IGFBPL1: variants seen among roughly 807,000 people sequenced by gnomAD.
The protein encoded by IGFBPL1 is insulin like growth factor binding protein like 1.
In IGFBPL1, 20 loss-of-function variants were observed where a neutral mutation model predicts 23.9. The observed-to-expected ratio is 0.84, with a 90% confidence interval of 0.59 to 1.22. The LOEUF (loss-of-function observed/expected upper bound fraction) is 1.22, where lower values mean the gene tolerates loss of function less well. IGFBPL1 is among the 50% of genes most tolerant of loss of function. IGFBPL1 has a pLI of 0.00. For synonymous variants in IGFBPL1, 184 were observed against 171.8 expected (o/e 1.07, Z -0.56); for missense variants, 436 against 379.3 (o/e 1.15, Z -1.24).
At position 38,407,678 on chromosome 9, in the gene IGFBPL1, A is replaced by G. The variant is rs1412762148; in HGVS notation, c.*1549T>C. On this transcript the variant is annotated 3_prime_UTR_variant, in exon 5 of 5. Transcript: ENST00000377694. The stretch of plus-strand genomic sequence containing the variant: ...GCACCGTGGAGTAGAGAGGGGACCA[A>G]GGAGGGCCAGGTGCCCTGAGCTCTG... Among the ~76,000 whole-genome samples the G allele has an allele frequency of 6.6e-6, 1 of 152,202 alleles. No homozygotes were observed. The highest frequency in any genetic ancestry group is 2.4e-5 in the African/African-American group (1 of 41,452).
intron 1 of IGFBPL1, among the ~76,000 whole-genome samples, chr9:38,420,985 A>G (rs1821670461): frequency 6.6e-6 from 1 of 152,128 alleles, no homozygotes; most frequent in Admixed American, 6.5e-5. Flanking sequence ...GGACACTTGT[A>G]AAAATCATGT....
Position 38,410,777 on chromosome 9 carries a change from T to C in IGFBPL1, c.*9+614A>G, listed in dbSNP as rs75084539. Among the ~76,000 whole-genome samples, 746 of 152,330 alleles carry C rather than the reference T, an allele frequency of 4.9e-3. 6 individuals are homozygous for C. The highest frequency in any genetic ancestry group is 0.017 in the African/African-American group (705 of 41,578). The stretch of plus-strand genomic sequence containing the variant: ...CTTATAAAGTGATCCCTTTCCCGAA[T>C]TCCCAGTTCACCTGTAGGCAAGGAA... On this transcript the variant is annotated intron_variant, in intron 4 of 4. Coordinates refer to ENST00000377694, the MANE Select transcript of IGFBPL1 (RefSeq NM_001007563.3).
intron 3 of IGFBPL1, 70 bp downstream of exon 3, chr9:38,413,167 T>C: frequency 2.0e-6 from 2 of 1,015,530 alleles, no homozygotes; most frequent in South Asian, 1.4e-5. Flanking sequence ...AAACATGTAA[T>C]GTGTTGTAGA....
At chr9:38,410,431 C>A (rs923803698) in intron 4 of IGFBPL1, among the ~76,000 whole-genome samples, 2 of 149,272 alleles carry the variant, frequency 1.3e-5, no homozygotes, top group African/African-American at 5.0e-5. Flanking sequence ...TGCAGTGAGC[C>A]GAGATCGCAC....
At chr9:38,410,795 G>A (rs971386952) in intron 4 of IGFBPL1, among the ~76,000 whole-genome samples, 5 of 152,212 alleles carry the variant, frequency 3.3e-5, no homozygotes, top group African/African-American at 1.2e-4. Flanking sequence ...TCACCTGTAG[G>A]CAAGGAACAG....
At chr9:38,422,554 G>A (rs866123843) in intron 1 of IGFBPL1, among the ~76,000 whole-genome samples, 1 of 152,206 alleles carries the variant, frequency 6.6e-6, no homozygotes, top group Non-Finnish European at 1.5e-5. Context: ...CAACTGTTCC[G>A]AGTGAAAGGG....
intron 1 of IGFBPL1, among the ~76,000 whole-genome samples, chr9:38,420,306 T>C (rs986446944): frequency 6.6e-6 from 1 of 152,196 alleles, no homozygotes; most frequent in Non-Finnish European, 1.5e-5. Flanking sequence ...CTCCCACCTC[T>C]GAGCCTCAGT....
In IGFBPL1 at chr9:38,417,195, T is replaced by C. The variant is rs541237870; in HGVS notation, c.461-2992A>G. Among the ~76,000 whole-genome samples, 3 of 152,320 alleles carry C rather than the reference T, an allele frequency of 2.0e-5. No homozygotes were observed. The East Asian group carries it at 5.8e-4, about 29-fold the overall frequency. The stretch of plus-strand genomic sequence containing the variant: ...CAGCTGCCAGATGGTGGCGCTGCCC[T>C]GGGTTACCGAGCATTAAAGGGTGTA... On this transcript the variant is annotated intron_variant, in intron 1 of 4. Transcript: ENST00000377694.
chr9:38,421,310 G>A (rs1587417473), intron 1 of IGFBPL1, among the ~76,000 whole-genome samples: 1 of 146,560 alleles, frequency 6.8e-6, no homozygotes, highest in African/African-American at 2.5e-5. Context: ...AAAAAAGGAT[G>A]CAAAAGCAAT....
At chr9:38,415,447 A>G (rs1343059922) in intron 1 of IGFBPL1, among the ~76,000 whole-genome samples, 1 of 152,080 alleles carries the variant, frequency 6.6e-6, no homozygotes, top group Non-Finnish European at 1.5e-5. Context: ...GTCGCATCAC[A>G]CCCCAATGCT....
chr9:38,419,613 T>C lies in IGFBPL1; in HGVS notation c.460+4352A>G, dbSNP rs76663088. On this transcript the variant is annotated intron_variant, in intron 1 of 4. Coordinates refer to ENST00000377694, the MANE Select transcript of IGFBPL1 (RefSeq NM_001007563.3). Reference sequence around the variant, plus strand: ...CCCTGTTCCTATCTAATTTATCATTTGAAACATGACATTAACTTGCTGTCC... The same window carrying C: ...CCCTGTTCCTATCTAATTTATCATTCGAAACATGACATTAACTTGCTGTCC... 2.1e-3 allele frequency among the ~76,000 whole-genome samples: 316 copies of C among 152,222 alleles called. 2 individuals carry two copies. Among genetic ancestry groups the C allele is most frequent in the African/African-American group, 6.7e-3 (279 of 41,534 alleles).
At position 38,417,933 on chromosome 9, in the gene IGFBPL1, C is replaced by T. The variant is rs139263551; in HGVS notation, c.461-3730G>A. ...TACAGTTCAGGCACAGTGAGCCACT[C>T]TCATCAATTCTGAGAAGAGTGGAAC... On this transcript the variant is annotated intron_variant, in intron 1 of 4. Transcript: ENST00000377694. Among the ~76,000 whole-genome samples the T allele has an allele frequency of 5.4e-3, 824 of 152,288 alleles. 13 individuals are homozygous for T. Among genetic ancestry groups the T allele is most frequent in the Middle Eastern group, 0.027 (8 of 294 alleles).
intron 1 of IGFBPL1, among the ~76,000 whole-genome samples, chr9:38,415,394 A>G (rs2118310589): frequency 6.6e-6 from 1 of 152,292 alleles, no homozygotes; most frequent in East Asian, 1.9e-4. Context: ...AAGGAGAGCA[A>G]AGGGAGGAGA....
At chr9:38,422,702 A>T (rs554786102) in intron 1 of IGFBPL1, among the ~76,000 whole-genome samples, 1 of 152,350 alleles carries the variant, frequency 6.6e-6, no homozygotes, top group South Asian at 2.1e-4. Flanking sequence ...AGCTAGGAAC[A>T]GCCAATGGTG....
rs914829612 is a variant in IGFBPL1 at position 38,406,640 on chromosome 9, C to T, written c.*2587G>A. Among the ~76,000 whole-genome samples the T allele has an allele frequency of 1.3e-5, 2 of 152,112 alleles. No homozygotes were observed. The highest frequency in any genetic ancestry group is 1.9e-4 in the East Asian group (1 of 5,198). ...GCGGGGAGTGGGGGCATTGTAATTA[C>T]GTCTCCAAATGCTAACAGCTGTGGC... On this transcript the variant is annotated 3_prime_UTR_variant, in exon 5 of 5. Transcript: ENST00000377694.
chr9:38,410,163 T>C (rs999137990), intron 4 of IGFBPL1, among the ~76,000 whole-genome samples: 1 of 152,178 alleles, frequency 6.6e-6, no homozygotes, highest in Non-Finnish European at 1.5e-5. Context: ...TGGTGCCTGT[T>C]CACCACTGCT....
chr9:38,423,179 A>G (rs1019071661), intron 1 of IGFBPL1, among the ~76,000 whole-genome samples: 1 of 152,196 alleles, frequency 6.6e-6, no homozygotes, highest in African/African-American at 2.4e-5. Context: ...TTCAAAAGGT[A>G]CATAAAGAGG....
intron 3 of IGFBPL1, 145 bp from the exon 4 acceptor site, chr9:38,411,694 C>A (rs1489876452): frequency 1.4e-6 from 1 of 716,682 alleles, no homozygotes; most frequent in Non-Finnish European, 2.3e-6. Context: ...GCATTGGCTG[C>A]CAAGGAGCAC....
At chr9:38,411,275 T>C in intron 4 of IGFBPL1, 116 bp downstream of exon 4, 1 of 852,560 alleles carries the variant, frequency 1.2e-6, no homozygotes, top group Non-Finnish European at 1.8e-6. Flanking sequence ...TCTTTTGCTC[T>C]TTCCCTGGTT....
Sources: gnomAD v4.1 joint callset for allele counts (sites outside exome capture counted in the v4.1 genomes callset) on GRCh38, gnomAD v4.1.1 for gene constraint, MANE v1.5 for transcripts, NCBI Gene and HGNC (gene_info 2026-07-23, HGNC 2026-07-21) for gene names.